KCNQ2: variants seen among roughly 807,000 people sequenced by gnomAD.
KCNQ2 encodes the protein potassium voltage-gated channel subfamily KQT member 2.
KCNQ2 carries 14 observed loss-of-function variants against 84.8 expected under a neutral mutation model. That is an observed-to-expected ratio of 0.17 (90% CI 0.11 to 0.26). The LOEUF is 0.26. Ranked by LOEUF, KCNQ2 falls within the 10% of genes least tolerant of loss-of-function variation. KCNQ2 has a pLI of 1.00. For missense variants in KCNQ2, 788 were observed against 1,254.0 expected, an observed-to-expected ratio of 0.63 and a Z score of 5.61; for synonymous variants, 599 against 554.1, an observed-to-expected ratio of 1.08 and a Z score of -1.14.
rs2081060731 is a variant in KCNQ2, at chr20:63,438,194, G to A, written c.1023+431C>T. The A allele has an allele frequency of 3.5e-6, 1 of 284,218 alleles. No individual in the cohort carries two copies. The highest frequency in any genetic ancestry group is 6.9e-6 in the Non-Finnish European group (1 of 144,358). The allele number at this position is 284,218 out of a possible 1,614,324, so 17.6% of individuals were successfully genotyped here. On this transcript the variant is annotated intron_variant, in intron 7 of 16. Transcript: ENST00000359125. The surrounding 1 kb of genome is among the most constrained non-coding windows in gnomAD (Gnocchi z 5.1). ...GCACGCTACCCACCCCCAAATGGTGGGACGGCACTGGGTGGGGTCCGGGCG... is the reference window on the plus strand; with the variant it reads ...GCACGCTACCCACCCCCAAATGGTGAGACGGCACTGGGTGGGGTCCGGGCG...
At chr20:63,468,402 G>A (rs2082132753) in intron 1 of KCNQ2, among the ~76,000 whole-genome samples, 1 of 152,200 alleles carries the variant, frequency 6.6e-6, no homozygotes, top group African/African-American at 2.4e-5. Flanking sequence ...GCCTGACCAA[G>A]AAGAGAGTGT....
intron 4 of KCNQ2, among the ~76,000 whole-genome samples, chr20:63,443,317 C>T (rs1600777246): frequency 9.5e-6 from 1 of 105,024 alleles, no homozygotes; most frequent in Admixed American, 8.6e-5. Context: ...CCATCATCAC[C>T]ACCACCACCA....
intron 1 of KCNQ2, among the ~76,000 whole-genome samples, chr20:63,468,211 G>A (rs1252994789): frequency 6.6e-6 from 1 of 152,174 alleles, no homozygotes; most frequent in African/African-American, 2.4e-5. Context: ...TTCACCTTTT[G>A]GGAAATTTCC....
chr20:63,428,375 G>C lies in KCNQ2; in HGVS notation c.1209C>G (p.Leu403=), dbSNP rs752280961. The change falls in exon 10 of 17, where the codon CTC becomes CTG. Residue 403 remains leucine, a synonymous_variant. Coordinates refer to ENST00000359125, the MANE Select transcript of KCNQ2 (RefSeq NM_172107.4). ...GGAGCTCCCCAGCTGACCTGAAAGC[G>C]AGTCCAGATTTACTCTTGAGGTTCC... ...LLRNLKSKSG[L]AFRKDPPPEP... 21 of 1,571,152 alleles carry C rather than the reference G, an allele frequency of 1.3e-5. No individual in the cohort carries two copies. The Admixed American group carries it at 4.0e-4, about 30-fold the overall frequency.
chr20:63,435,755 C>T (rs1012844990), intron 7 of KCNQ2, among the ~76,000 whole-genome samples: 17 of 152,224 alleles, frequency 1.1e-4, no homozygotes, highest in African/African-American at 3.6e-4. Context: ...AACCAGTGAA[C>T]GGCTGCCAAC....
chr20:63,456,304 T>C (rs2081794884), intron 1 of KCNQ2, among the ~76,000 whole-genome samples: 1 of 152,186 alleles, frequency 6.6e-6, no homozygotes, highest in Admixed American at 6.5e-5. Flanking sequence ...CCTCACTCGC[T>C]TCATGCACTT....
chr20:63,420,555 C>T (rs938015497), intron 11 of KCNQ2, among the ~76,000 whole-genome samples: 6 of 147,290 alleles, frequency 4.1e-5, no homozygotes, highest in South Asian at 2.2e-4. Flanking sequence ...CCACTCAGAA[C>T]ACACAGGCTC....
rs377170382 is a variant in KCNQ2 at position 63,414,224 on chromosome 20, C to T, written c.1526-31G>A. The T allele has an allele frequency of 2.7e-5, 41 of 1,525,334 alleles. No individual in the cohort carries two copies. Among genetic ancestry groups the T allele is most frequent in the Non-Finnish European group, 3.4e-5 (37 of 1,100,588 alleles). The allele number at this position is 1,525,334 out of a possible 1,614,324, so 94.5% of individuals were successfully genotyped here. ...GGGAAGGAGACAGGCCGTGAGGGGC[C>T]GAGGGGGCCGGGAGACCTATTCCCG... On this transcript the variant is annotated intron_variant, in intron 13 of 16. Coordinates refer to ENST00000359125, the MANE Select transcript of KCNQ2 (RefSeq NM_172107.4). The surrounding 1 kb of genome is among the most constrained non-coding windows in gnomAD (Gnocchi z 6.6).
chr20:63,423,282 C>T (rs557613370), intron 11 of KCNQ2, among the ~76,000 whole-genome samples: 9 of 152,272 alleles, frequency 5.9e-5, no homozygotes, highest in South Asian at 2.1e-4. Context: ...ACCCAAGCCC[C>T]GCAGTGTCTC....
At chr20:63,432,466 ACAGGGAAGGCTCCACCCT>A (rs1435526567) in intron 8 of KCNQ2, among the ~76,000 whole-genome samples, 78 of 98,630 alleles carry the variant, frequency 7.9e-4, no homozygotes, top group South Asian at 1.1e-3. Flanking sequence ...GGCTCCACCC[ACAGGGAAGGCTCCACCCT>A]CTGGGAAGGC....
intron 4 of KCNQ2, among the ~76,000 whole-genome samples, chr20:63,442,767 T>C (rs867432310): frequency 2.1e-3 from 51 of 24,414 alleles, no homozygotes; most frequent in African/African-American, 6.4e-3. Flanking sequence ...ATCACCACCA[T>C]CACCATCACC....
intron 1 of KCNQ2, among the ~76,000 whole-genome samples, chr20:63,465,296 A>C (rs2082051965): frequency 1.3e-5 from 2 of 152,232 alleles, no homozygotes; most frequent in Admixed American, 6.5e-5. Flanking sequence ...CAGCATCCTG[A>C]GCCACTCCCT....
chr20:63,419,606 T>C lies in KCNQ2; in HGVS notation c.1301+13A>G. 6.2e-7 allele frequency: 1 copy of C among 1,607,316 alleles called. No homozygotes were observed. The highest frequency in any genetic ancestry group is 8.5e-7 in the Non-Finnish European group (1 of 1,178,082). ...GCAGCAGCCGTCAGTCCGTGCGGCG[T>C]GTTCCGCGGTACCTAGAGCGTCCGG... On this transcript the variant is annotated intron_variant, in intron 12 of 16. Transcript: ENST00000359125.
intron 3 of KCNQ2, among the ~76,000 whole-genome samples, 155 bp downstream of exon 3, chr20:63,445,083 T>C (rs940663867): frequency 7.9e-5 from 12 of 152,186 alleles, no homozygotes; most frequent in Non-Finnish European, 1.6e-4. Context: ...CCACAGCCTC[T>C]GACTCCAAGT....
At chr20:63,427,006 A>G (rs1468531281) in intron 10 of KCNQ2, among the ~76,000 whole-genome samples, 3 of 152,212 alleles carry the variant, frequency 2.0e-5, no homozygotes, top group Admixed American at 6.5e-5. Context: ...AGAGCCCTTG[A>G]GGTCAGGAGC....
chr20:63,410,475 G>A (rs1440277021), intron 15 of KCNQ2, among the ~76,000 whole-genome samples: 2 of 152,210 alleles, frequency 1.3e-5, no homozygotes, highest in Admixed American at 6.5e-5. Flanking sequence ...AAGACCGTCC[G>A]AGCTCACAGC....
chr20:63,468,869 C>G (rs1358623819), intron 1 of KCNQ2, among the ~76,000 whole-genome samples: 1 of 152,174 alleles, frequency 6.6e-6, no homozygotes, highest in Non-Finnish European at 1.5e-5. Context: ...AGGCTGGGAC[C>G]CCCCCTTTCA....
At position 63,472,200 on chromosome 20, in the gene KCNQ2, C is replaced by A; in HGVS notation, c.264G>T (p.Pro88=). The change falls in exon 1 of 17, where the codon CCG becomes CCT. Residue 88 remains proline, a synonymous_variant. Coordinates refer to ENST00000359125, the MANE Select transcript of KCNQ2 (RefSeq NM_172107.4). ...QNFLYNVLER[P]RGWAFIYHAY... is the part of the protein sequence containing the mutation. ...CGTGGTAGATGAACGCCCAGCCGCG[C>A]GGCCGCTCCAGCACGTTGTAGAGGA... The A allele has an allele frequency of 6.5e-7, 1 of 1,535,658 alleles. No individual in the cohort carries two copies. Among genetic ancestry groups the A allele is most frequent in the Non-Finnish European group, 8.8e-7 (1 of 1,142,414 alleles).
rs1568880839 is a variant in KCNQ2 at position 63,415,094 on chromosome 20, G to A, written c.1334C>T (p.Ser445Phe). 6.2e-7 allele frequency: 1 copy of A among 1,603,064 alleles called. No individual in the cohort carries two copies. The highest frequency in any genetic ancestry group is 8.5e-7 in the Non-Finnish European group (1 of 1,179,860). The change falls in exon 13 of 17, where the codon TCC becomes TTC. Residue 445 changes from serine (S) to phenylalanine (F), a missense_variant. Physicochemically the swap from Ser to Phe is radical, Grantham distance 155 (BLOSUM62 -2). Coordinates refer to ENST00000359125, the MANE Select transcript of KCNQ2 (RefSeq NM_172107.4). Reference protein sequence around the residue: ...QKVSLKDRVFSSPRGVAAKGK... With the variant: ...QKVSLKDRVFFSPRGVAAKGK... ...CTTGGCAGCCACGCCTCGGGGGCTG[G>A]AGAAGACACGATCTTTCAAACTGAC...
Sources: allele counts gnomAD v4.1 joint callset (sites outside exome capture counted in the v4.1 genomes callset), GRCh38; gene constraint gnomAD v4.1.1; non-coding constraint Gnocchi (gnomAD v3.1); transcripts MANE v1.5; gene names NCBI Gene and HGNC (gene_info 2026-07-23, HGNC 2026-07-21).